TRPV1: variants seen among roughly 807,000 people sequenced by gnomAD.
The protein encoded by TRPV1 is transient receptor potential cation channel subfamily V member 1.
In TRPV1, 82 loss-of-function variants were observed where a neutral mutation model predicts 82.3. The observed-to-expected ratio is 1.00, with a 90% CI of 0.83 to 1.20. The LOEUF is 1.20. Among genes scored for constraint, TRPV1 ranks in the 50% most tolerant of loss-of-function variants. TRPV1 has a pLI of 0.00. For missense variants in TRPV1, 1,067 were observed against 1,096.8 expected, an observed-to-expected ratio of 0.97 and a Z score of 0.38; for synonymous variants, 515 against 467.7, an observed-to-expected ratio of 1.10 and a Z score of -1.30.
At chr17:3,585,649 A>AGCTGGGAAGGAGT in intron 9 of TRPV1, 119 bp downstream of exon 9, 2 of 1,270,524 alleles carry the variant, frequency 1.6e-6, no homozygotes, top group Non-Finnish European at 2.2e-6. Flanking sequence ...CGCTCCCGCA[A>AGCTGGGAAGGAGT]GCTGGGAAGG....
chr17:3,582,308 G>A (rs921714802), intron 10 of TRPV1, among the ~76,000 whole-genome samples: 1 of 150,566 alleles, frequency 6.6e-6, no homozygotes, highest in African/African-American at 2.4e-5. Context: ...GGAGACAGAG[G>A]TTGAAGTGAG....
At chr17:3,582,837 G>A (rs1314953603) in intron 10 of TRPV1, among the ~76,000 whole-genome samples, 1 of 137,024 alleles carries the variant, frequency 7.3e-6, no homozygotes, top group Non-Finnish European at 1.6e-5. Context: ...GCAGGCGCCT[G>A]TAATCCCAGC....
intron 2 of TRPV1, among the ~76,000 whole-genome samples, chr17:3,604,980 A>G (rs1316658898): frequency 1.3e-5 from 2 of 152,288 alleles, no homozygotes; most frequent in East Asian, 3.9e-4. Flanking sequence ...CACAACTCCT[A>G]TAAACATCCT....
In TRPV1 at chr17:3,583,319, T is replaced by A. The variant is rs762835455; in HGVS notation, c.1476+19A>T. On this transcript the variant is annotated intron_variant, in intron 10 of 16. Coordinates refer to ENST00000572705, the MANE Select transcript of TRPV1 (RefSeq NM_080704.4). ...TTTTGGTGATAATGGAAACTCACAA[T>A]GTGGGAAGGAACGCTTACCCCTCGG... is the stretch of plus-strand genomic sequence containing the variant. 6.3e-7 allele frequency: 1 copy of A among 1,590,074 alleles called. No homozygotes were observed. The highest frequency in any genetic ancestry group is 8.6e-7 in the Non-Finnish European group (1 of 1,166,142).
At chr17:3,583,127 G>C (rs558859539) in intron 10 of TRPV1, among the ~76,000 whole-genome samples, 1 of 152,236 alleles carries the variant, frequency 6.6e-6, no homozygotes, top group Non-Finnish European at 1.5e-5. Flanking sequence ...TTTCAAGCTT[G>C]CCTGCCTTGG....
intron 2 of TRPV1, among the ~76,000 whole-genome samples, chr17:3,594,275 C>G (rs983980020): frequency 6.6e-6 from 1 of 151,506 alleles, no homozygotes; most frequent in Non-Finnish European, 1.5e-5. Flanking sequence ...GGCTACATTC[C>G]GGAAAACAGC....
At chr17:3,587,196 C>T (rs1363160938) in intron 8 of TRPV1, among the ~76,000 whole-genome samples, 1 of 152,208 alleles carries the variant, frequency 6.6e-6, no homozygotes, top group Non-Finnish European at 1.5e-5. Flanking sequence ...TCTGGGAACA[C>T]TTGTATCCAG....
Position 3,573,734 on chromosome 17 carries a change from C to T in TRPV1, c.2002G>A (p.Val668Ile). ...AGCAGGAGGATGTAGGTGAGAATTACATAGGCCAGCAGCAGGATGATGAAG... is the reference window on the plus strand; with the variant it reads ...AGCAGGAGGATGTAGGTGAGAATTATATAGGCCAGCAGCAGGATGATGAAG... ...AVFIILLLAY[V>I]ILTYILLLNM... Residue 668 changes from valine to isoleucine, a missense_variant, in exon 14 of 17, where the codon GTA becomes ATA. Transcript: ENST00000572705. 3 of 1,614,060 alleles carry T rather than the reference C, an allele frequency of 1.9e-6. No homozygotes were observed. Among genetic ancestry groups the T allele is most frequent in the Non-Finnish European group, 2.5e-6 (3 of 1,180,006 alleles).
chr17:3,575,460 G>A, intron 13 of TRPV1, among the ~76,000 whole-genome samples: 1 of 149,732 alleles, frequency 6.7e-6, no homozygotes, highest in East Asian at 2.0e-4. Flanking sequence ...GCCAGCCTGG[G>A]CGACAGACAG....
chr17:3,593,825 T>C (rs1444868921), intron 2 of TRPV1, among the ~76,000 whole-genome samples: 1 of 152,084 alleles, frequency 6.6e-6, no homozygotes, highest in East Asian at 1.9e-4. Context: ...GTCCATCTCC[T>C]TATGAAGAAG....
intron 14 of TRPV1, 61 bp downstream of exon 14, chr17:3,573,572 A>G: frequency 2.8e-6 from 2 of 706,144 alleles, no homozygotes; most frequent in South Asian, 1.8e-5. Context: ...TGTGTAAGAC[A>G]GCAGACAGAG....
At chr17:3,592,474 A>T in intron 2 of TRPV1, 91 bp from the exon 3 acceptor site, 3 of 1,313,638 alleles carry the variant, frequency 2.3e-6, no homozygotes, top group Non-Finnish European at 3.1e-6. Context: ...GGCCCTGTGA[A>T]GCAGGGTACC....
At chr17:3,585,337 G>C in intron 9 of TRPV1, 2 of 166,704 alleles carry the variant, frequency 1.2e-5, no homozygotes, top group South Asian at 1.7e-4. Flanking sequence ...TTTTAGTAGA[G>C]ACGGGGTTTC....
intron 14 of TRPV1, 130 bp from the exon 15 acceptor site, chr17:3,572,379 C>A: frequency 8.9e-7 from 1 of 1,128,384 alleles, no homozygotes; most frequent in South Asian, 1.5e-5. Flanking sequence ...TTGTCCAGTG[C>A]CCTCCACGCT....
At chr17:3,574,997 C>A (rs1259306069) in intron 13 of TRPV1, among the ~76,000 whole-genome samples, 1 of 149,646 alleles carries the variant, frequency 6.7e-6, no homozygotes, top group South Asian at 2.1e-4. Flanking sequence ...AGTGACTAAT[C>A]TCAGACAATT....
Position 3,585,766 on chromosome 17 carries a change from AC to A in TRPV1, c.1383+1del, listed in dbSNP as rs2075076697. On this transcript the variant is annotated splice_donor_variant, in intron 9 of 16. Coordinates refer to ENST00000572705, the MANE Select transcript of TRPV1 (RefSeq NM_080704.4). LOFTEE classifies it high-confidence loss of function. Reference sequence around the variant, plus strand: ...CCACGAGGCCTGAGCCTCTGGCCGCACCAAGCCATCCACGGGCCTGTAGTAG... The same window carrying A: ...CCACGAGGCCTGAGCCTCTGGCCGCACAAGCCATCCACGGGCCTGTAGTAG... 1 of 1,612,464 alleles carries A rather than the reference AC, an allele frequency of 6.2e-7. No homozygotes were observed. Among genetic ancestry groups the A allele is most frequent in the African/African-American group, 1.3e-5 (1 of 74,890 alleles).
intron 10 of TRPV1, among the ~76,000 whole-genome samples, chr17:3,582,879 G>A (rs572863399): frequency 7.9e-5 from 12 of 151,642 alleles, no homozygotes; most frequent in South Asian, 2.1e-4. Context: ...CCCAAGAGGC[G>A]GAGGTTGCAG....
chr17:3,593,367 G>C (rs548641735), intron 2 of TRPV1, among the ~76,000 whole-genome samples: 1 of 152,224 alleles, frequency 6.6e-6, no homozygotes, highest in East Asian at 1.9e-4. Context: ...TAAACACCTA[G>C]AGATCAGCTG....
chr17:3,604,654 TAG>T (rs887533588), intron 2 of TRPV1, among the ~76,000 whole-genome samples: 3 of 147,014 alleles, frequency 2.0e-5, no homozygotes, highest in African/African-American at 7.5e-5. Context: ...AAGAGAAAAG[TAG>T]AGAACATGAA....
Sources: allele counts gnomAD v4.1 joint callset (sites outside exome capture counted in the v4.1 genomes callset), GRCh38; gene constraint gnomAD v4.1.1; transcripts MANE v1.5; gene names NCBI Gene and HGNC (gene_info 2026-07-23, HGNC 2026-07-21).